The following LRP1B variants were observed in gnomAD, a reference collection of about 807,000 sequenced individuals.
LRP1B encodes the protein LDL receptor related protein 1B, also known as low-density lipoprotein receptor-related protein 1B.
LRP1B carries 217 observed loss-of-function variants against 556.6 expected under a neutral mutation model. That is an observed-to-expected ratio of 0.39 (90% confidence interval 0.35 to 0.44). The LOEUF (loss-of-function observed/expected upper bound fraction) is 0.44. LRP1B is among the 20% of genes least tolerant of loss of function. The pLI, the probability that LRP1B is intolerant of heterozygous loss-of-function variation, is 1.00. For synonymous variants in LRP1B, 2,047 were observed against 1,865.8 expected, an observed-to-expected ratio of 1.10 and a Z score of -2.50; for missense variants, 5,053 against 5,620.8, an observed-to-expected ratio of 0.90 and a Z score of 3.23.
At chr2:140,324,269 TAAAACA>T (rs750298265) in intron 80 of LRP1B, among the ~76,000 whole-genome samples, 5 of 152,018 alleles carry the variant, frequency 3.3e-5, no homozygotes, top group African/African-American at 1.2e-4. Context: ...ACATGTTACT[TAAAACA>T]TAAAAATACA....
chr2:140,842,998 T>A (rs1181441316), intron 29 of LRP1B, among the ~76,000 whole-genome samples: 1 of 150,788 alleles, frequency 6.6e-6, no homozygotes, highest in African/African-American at 2.4e-5. Context: ...TTGGATTTCT[T>A]GGTATTGGCA....
chr2:140,552,016 A>C (rs917235770), intron 43 of LRP1B, among the ~76,000 whole-genome samples: 1 of 152,182 alleles, frequency 6.6e-6, no homozygotes, highest in Non-Finnish European at 1.5e-5. Flanking sequence ...TCAAGGTCAC[A>C]GATTTACTAA....
intron 2 of LRP1B, among the ~76,000 whole-genome samples, chr2:141,636,231 G>A (rs1689104440): frequency 6.6e-6 from 1 of 152,038 alleles, no homozygotes; most frequent in Non-Finnish European, 1.5e-5. Flanking sequence ...CAATAAATTA[G>A]TGGTATACAA....
intron 7 of LRP1B, among the ~76,000 whole-genome samples, chr2:141,085,172 G>C (rs1410027945): frequency 6.6e-6 from 1 of 151,948 alleles, no homozygotes; most frequent in Non-Finnish European, 1.5e-5. Context: ...AACTGTGTTT[G>C]TGTTTATTAT....
At chr2:141,252,746 T>C (rs946890145) in intron 4 of LRP1B, among the ~76,000 whole-genome samples, 4 of 152,146 alleles carry the variant, frequency 2.6e-5, no homozygotes, top group Non-Finnish European at 5.9e-5. Flanking sequence ...TACAAAGGAA[T>C]AGGCATACCA....
chr2:142,129,586 C>CTT (rs1553520275), intron 1 of LRP1B, among the ~76,000 whole-genome samples: 2 of 1,138 alleles, frequency 1.8e-3, no homozygotes, highest in Admixed American at 0.017. Flanking sequence ...TTCTCTCTTT[C>CTT]TCTCTCTCTC....
At chr2:140,679,551 G>C (rs1685790251) in intron 41 of LRP1B, among the ~76,000 whole-genome samples, 1 of 152,126 alleles carries the variant, frequency 6.6e-6, no homozygotes, top group Non-Finnish European at 1.5e-5. Context: ...AAAACATAAT[G>C]AGTACATTTA....
intron 7 of LRP1B, among the ~76,000 whole-genome samples, chr2:141,140,333 AT>A (rs1269698763): frequency 6.6e-6 from 1 of 152,188 alleles, no homozygotes; most frequent in Non-Finnish European, 1.5e-5. Context: ...AATAATAAAA[AT>A]TTTTTAAATC....
At chr2:140,969,456 A>T (rs1696339234) in intron 18 of LRP1B, among the ~76,000 whole-genome samples, 1 of 87,514 alleles carries the variant, frequency 1.1e-5, no homozygotes, top group Non-Finnish European at 2.5e-5. Context: ...AATACAGCAC[A>T]CTGATGGGTC....
intron 1 of LRP1B, among the ~76,000 whole-genome samples, chr2:142,023,278 G>T (rs1277705488): frequency 6.6e-6 from 1 of 152,084 alleles, no homozygotes; most frequent in South Asian, 2.1e-4. Flanking sequence ...CATTTTCAAT[G>T]CCCCACCTTG....
At chr2:141,641,738 G>A (rs1689345189) in intron 2 of LRP1B, among the ~76,000 whole-genome samples, 1 of 152,094 alleles carries the variant, frequency 6.6e-6, no homozygotes, top group African/African-American at 2.4e-5. Flanking sequence ...GTAAAAAATG[G>A]TAAGATAAAA....
At chr2:141,068,547 A>T (rs565068178) in intron 7 of LRP1B, among the ~76,000 whole-genome samples, 2 of 140,166 alleles carry the variant, frequency 1.4e-5, no homozygotes, top group Non-Finnish European at 3.0e-5. Context: ...CTGACTGCAC[A>T]TGTGGTTGGC....
At chr2:140,744,261 A>T (rs1027946557) in intron 35 of LRP1B, among the ~76,000 whole-genome samples, 1 of 152,122 alleles carries the variant, frequency 6.6e-6, no homozygotes, top group African/African-American at 2.4e-5. Context: ...TACCTCAAAT[A>T]TATACAATTT....
At chr2:140,429,418 C>A (rs1685817344) in intron 66 of LRP1B, among the ~76,000 whole-genome samples, 1 of 152,114 alleles carries the variant, frequency 6.6e-6, no homozygotes, top group Non-Finnish European at 1.5e-5. Flanking sequence ...CCTTTGCACC[C>A]TTCATCCCAG....
rs78362099 is a variant in LRP1B, at chr2:141,927,233, C to G, written c.83-116832G>C. 5.9e-4 allele frequency among the ~76,000 whole-genome samples: 90 copies of G among 152,118 alleles called. No individual in the cohort carries two copies. In the East Asian group the frequency reaches 0.012, roughly 20 times the overall value. ...TTACCATCATACATCAATTTGACTG[C>G]TGAATTATTATAAACAGTCATATAC... On this transcript the variant is annotated intron_variant, in intron 1 of 90. Transcript: ENST00000389484.
At chr2:142,026,323 A>C (rs908612027) in intron 1 of LRP1B, among the ~76,000 whole-genome samples, 2 of 152,072 alleles carry the variant, frequency 1.3e-5, no homozygotes, top group African/African-American at 2.4e-5. Flanking sequence ...GCTTATATGC[A>C]TAACGATATG....
At chr2:141,231,195 T>C (rs1008166981) in intron 5 of LRP1B, among the ~76,000 whole-genome samples, 7 of 152,228 alleles carry the variant, frequency 4.6e-5, no homozygotes, top group African/African-American at 1.7e-4. Flanking sequence ...GCATATACTA[T>C]AACTAATGGA....
At chr2:141,522,442 C>T (rs1684559392) in intron 2 of LRP1B, among the ~76,000 whole-genome samples, 1 of 88,878 alleles carries the variant, frequency 1.1e-5, no homozygotes, top group Non-Finnish European at 3.0e-5. Context: ...GTTGCCAATA[C>T]ATCAGTTTCC....
chr2:140,698,549 G>T (rs576309966), intron 41 of LRP1B, among the ~76,000 whole-genome samples: 1 of 152,110 alleles, frequency 6.6e-6, no homozygotes, highest in Non-Finnish European at 1.5e-5. Flanking sequence ...AAGACAGCTG[G>T]ATTCTCCTAT....
Sources: gnomAD v4.1 joint callset for allele counts (sites outside exome capture counted in the v4.1 genomes callset) on GRCh38, gnomAD v4.1.1 for gene constraint, MANE v1.5 for transcripts, NCBI Gene and HGNC (gene_info 2026-07-23, HGNC 2026-07-21) for gene names.